Variants in HPS4 observed in about 807,000 individuals in gnomAD.
The protein encoded by HPS4 is BLOC-3 complex member HPS4.
Under a neutral mutation model 70.3 loss-of-function variants are expected in HPS4, and 44 were observed. That is an observed-to-expected ratio of 0.63 (90% CI 0.49 to 0.80). The LOEUF is 0.80. Ranked by LOEUF, HPS4 falls within the 30% of genes least tolerant of loss-of-function variation. The pLI, the probability that HPS4 is intolerant of heterozygous loss-of-function variation, is 0.00. For synonymous variants in HPS4, 377 were observed against 355.9 expected (o/e 1.06, Z -0.67); for missense variants, 873 against 884.4 (o/e 0.99, Z 0.16).
rs777509970 is a variant in HPS4 at position 26,457,860 on chromosome 22, T to C, written c.1954A>G (p.Arg652Gly). 3.7e-6 allele frequency: 6 copies of C among 1,613,082 alleles called. 1 individual carries two copies. The South Asian group carries it at 5.5e-5, about 15-fold the overall frequency. Residue 652 changes from arginine to glycine, a missense_variant and splice_region_variant, in exon 13 of 14, where the codon AGA (arginine) becomes GGA (glycine). Physicochemically the swap from Arg to Gly is moderately radical, Grantham distance 125 (BLOSUM62 -2). Coordinates refer to ENST00000398145, the MANE Select transcript of HPS4 (RefSeq NM_022081.6). Reference protein sequence around the residue: ...QLPALYEMTVRNASTAVYACC... With the variant: ...QLPALYEMTVGNASTAVYACC... ...GGGGAGCGACTCAGGGAGGCTCACC[T>C]GACAGTCATTTCATAAAGCGCGGGC...
intron 7 of HPS4, 101 bp from the exon 8 acceptor site, chr22:26,468,724 G>C (rs2089211445): frequency 6.3e-6 from 7 of 1,103,146 alleles, no homozygotes; most frequent in Non-Finnish European, 9.6e-6. Context: ...GAGGATCTTG[G>C]GGACTTGGCT....
In HPS4 at chr22:26,464,811, T is replaced by C; in HGVS notation, c.819A>G (p.Pro273=). The C allele has an allele frequency of 6.3e-7, 1 of 1,593,182 alleles. No individual in the cohort carries two copies. Among genetic ancestry groups the C allele is most frequent in the Non-Finnish European group, 8.5e-7 (1 of 1,172,056 alleles). The change falls in exon 11 of 14, where the codon CCA becomes CCG. Residue 273 remains proline (P), a synonymous_variant. Transcript: ENST00000398145. ...VEQMTRSLAS[P]AGLQDGSAQH... ...GGGCTGAACCATCCTGGAGTCCTGC[T>C]GGAGATGCTAGAGACCTGGCAAACA...
At chr22:26,478,449 T>C (rs2090863657) in intron 3 of HPS4, among the ~76,000 whole-genome samples, 1 of 151,406 alleles carries the variant, frequency 6.6e-6, no homozygotes, top group African/African-American at 2.4e-5. Flanking sequence ...CGGGCGACTG[T>C]AGTCCCAACT....
At chr22:26,455,658 A>G (rs1307275516) in intron 13 of HPS4, among the ~76,000 whole-genome samples, 1 of 151,756 alleles carries the variant, frequency 6.6e-6, no homozygotes, top group African/African-American at 2.4e-5. Context: ...GGTGCAGCAC[A>G]CCAACATGGC....
At chr22:26,471,090 G>A in intron 6 of HPS4, 1 of 541,344 alleles carries the variant, frequency 1.8e-6, no homozygotes, top group Non-Finnish European at 3.3e-6. Flanking sequence ...CTATTCAAAG[G>A]GGTCAAAGTA....
rs2088583182 is a variant in HPS4 at position 26,466,230 on chromosome 22, T to C, written c.702A>G (p.Glu234=). The C allele has an allele frequency of 6.2e-7, 1 of 1,614,108 alleles. No homozygotes were observed. Among genetic ancestry groups the C allele is most frequent in the Non-Finnish European group, 8.5e-7 (1 of 1,180,042 alleles). Residue 234 remains glutamate, a synonymous_variant, in exon 9 of 14, where the codon GAA becomes GAG. Transcript: ENST00000398145. ...RLPTGEDAPQ[E]HGAALPPNVQ... ...ACCATGCGCCTCACTACTTACCATG[T>C]TCCTGCGGGGCATCCTCTCCCGTAG...
chr22:26,466,467 T>C, intron 8 of HPS4: 1 of 662,840 alleles, frequency 1.5e-6, no homozygotes, highest in Non-Finnish European at 2.7e-6. Flanking sequence ...AGCAAGAACC[T>C]GGGCCCACAC....
At chr22:26,446,693 C>A (rs1007107494), downstream of HPS4, among the ~76,000 whole-genome samples, 1 of 152,130 alleles carries the variant, frequency 6.6e-6, no homozygotes, top group Non-Finnish European at 1.5e-5. Context: ...ACCGGGCAGG[C>A]CACCTAAGCT....
In HPS4 at chr22:26,465,526, C is replaced by G. The variant is rs2088374365; in HGVS notation, c.732G>C (p.Gln244His). The G allele has an allele frequency of 6.2e-7, 1 of 1,614,118 alleles. No homozygotes were observed. Among genetic ancestry groups the G allele is most frequent in the Non-Finnish European group, 8.5e-7 (1 of 1,179,990 alleles). The change falls in exon 10 of 14, where the codon CAG becomes CAC. Residue 244 changes from glutamine (Q) to histidine (H), a missense_variant. Coordinates refer to ENST00000398145, the MANE Select transcript of HPS4 (RefSeq NM_022081.6). The part of the protein sequence containing the change: ...EHGAALPPNV[Q>H]IIPVFVTKEE... The stretch of plus-strand genomic sequence containing the variant: ...CTTTGGTCACAAAAACAGGGATAAT[C>G]TGGACATTCGGGGGCAATGCCGCTC...
At chr22:26,456,675 T>C (rs1265386441) in intron 13 of HPS4, among the ~76,000 whole-genome samples, 1 of 148,352 alleles carries the variant, frequency 6.7e-6, no homozygotes, top group African/African-American at 2.5e-5. Flanking sequence ...AAATAAAAAA[T>C]AATGCCCTTG....
chr22:26,477,946 C>T (rs2090776231), intron 3 of HPS4, among the ~76,000 whole-genome samples: 1 of 151,624 alleles, frequency 6.6e-6, no homozygotes, highest in African/African-American at 2.4e-5. Context: ...TACAAAATAA[C>T]CAAATAGAAT....
At position 26,478,841 on chromosome 22, in the gene HPS4, G is replaced by A. The variant is rs1031740851; in HGVS notation, c.132+424C>T. ...TGGGATTACAGGAGCGTGCCACCAC[G>A]CCCAGCTAATTTTGGGATTTTTAGT... On this transcript the variant is annotated intron_variant, in intron 3 of 13. Transcript: ENST00000398145. 5.3e-5 allele frequency among the ~76,000 whole-genome samples: 8 copies of A among 152,042 alleles called. No individual in the cohort carries two copies. In the East Asian group the frequency reaches 1.2e-3, roughly 22 times the overall value.
rs1162620462 is a variant in HPS4, at chr22:26,452,256, A to C, written c.*977T>G. The stretch of plus-strand genomic sequence containing the variant: ...AAGTACTTCCAGTAAACATTCAGTT[A>C]AGATTTTGACAAATATTTTCATCCT... On this transcript the variant is annotated 3_prime_UTR_variant, in exon 14 of 14. Coordinates refer to ENST00000398145, the MANE Select transcript of HPS4 (RefSeq NM_022081.6). The C allele has an allele frequency of 7.0e-6, 3 of 427,260 alleles. No individual in the cohort carries two copies. Among genetic ancestry groups the C allele is most frequent in the South Asian group, 5.1e-5 (3 of 59,034 alleles). 26.5% of individuals were successfully genotyped at this position (427,260 alleles called of 1,614,324 possible). A position where few individuals can be genotyped will look rare whatever the true frequency, so the allele number is the denominator to read the frequency against.
chr22:26,464,204 G>T lies in HPS4; in HGVS notation c.1426C>A (p.Pro476Thr). The T allele has an allele frequency of 6.2e-7, 1 of 1,614,224 alleles. No homozygotes were observed. Among genetic ancestry groups the T allele is most frequent in the Non-Finnish European group, 8.5e-7 (1 of 1,180,052 alleles). ...RRPLLLPRLD[P>T]GQRGNKLPTG... is the part of the protein sequence containing the mutation. ...GGAAGCTTGTTTCCTCTCTGTCCTG[G>T]ATCTAAGCGAGGCAATAACAAGGGC... Residue 476 changes from proline to threonine, a missense_variant, in exon 11 of 14, where the codon CCA becomes ACA. Physicochemically the swap from Pro to Thr is conservative, Grantham distance 38. Transcript: ENST00000398145.
intron 11 of HPS4, among the ~76,000 whole-genome samples, chr22:26,461,689 G>C (rs1247821562): frequency 6.6e-6 from 1 of 152,152 alleles, no homozygotes; most frequent in African/African-American, 2.4e-5. Context: ...AGGGAAATCA[G>C]ATAAAGTATT....
chr22:26,471,224 C>T (rs1031010489), intron 6 of HPS4: 4 of 396,434 alleles, frequency 1.0e-5, no homozygotes, highest in African/African-American at 6.3e-5. Flanking sequence ...CTATCCTCCA[C>T]TTTCCTTCTG....
At chr22:26,469,720 T>C (rs1208714897) in intron 7 of HPS4, among the ~76,000 whole-genome samples, 1 of 149,534 alleles carries the variant, frequency 6.7e-6, no homozygotes, top group Admixed American at 6.7e-5. Flanking sequence ...AATATATATA[T>C]ATACATTTAA....
chr22:26,463,796 G>A, intron 11 of HPS4, 121 bp downstream of exon 11: 2 of 1,062,218 alleles, frequency 1.9e-6, no homozygotes, highest in Non-Finnish European at 2.8e-6. Context: ...TCTTGCCCAG[G>A]GTCACACAAC....
Position 26,472,948 on chromosome 22 carries a change from A to C in HPS4, c.277-9T>G. ...ACAGCACAGCCCAGCACCTGTAAAG[A>C]GAGAAACCAGGAAGACAAGCATCTT... On this transcript the variant is annotated splice_polypyrimidine_tract_variant and intron_variant, in intron 4 of 13. Transcript: ENST00000398145. 6.2e-7 allele frequency: 1 copy of C among 1,613,030 alleles called. No homozygotes were observed. The highest frequency in any genetic ancestry group is 2.2e-5 in the East Asian group (1 of 44,874).
Sources: allele counts gnomAD v4.1 joint callset (sites outside exome capture counted in the v4.1 genomes callset), GRCh38; gene constraint gnomAD v4.1.1; transcripts MANE v1.5; gene names NCBI Gene and HGNC (gene_info 2026-07-23, HGNC 2026-07-21).